Variants in PAWR observed in about 807,000 individuals in gnomAD.
The protein encoded by PAWR is PRKC apoptosis WT1 regulator protein.
Under a neutral mutation model 32.0 loss-of-function variants are expected in PAWR, and 23 were observed. The observed-to-expected ratio is 0.72, with a 90% CI of 0.52 to 1.02. The LOEUF (loss-of-function observed/expected upper bound fraction) is 1.02, where lower values mean the gene tolerates loss of function less well. Among genes scored for constraint, PAWR ranks in the 50% least tolerant of loss-of-function variants. PAWR has a pLI of 0.00. For missense variants in PAWR, 457 were observed against 437.7 expected (o/e 1.04, Z -0.39); for synonymous variants, 226 against 187.1 (o/e 1.21, Z -1.70).
chr12:79,662,728 CA>C (rs1229791438), intron 2 of PAWR, among the ~76,000 whole-genome samples: 2 of 152,138 alleles, frequency 1.3e-5, no homozygotes, highest in Non-Finnish European at 2.9e-5. Context: ...TCCATTTACA[CA>C]AAGGCTTGAA....
chr12:79,599,431 C>G (rs985516241), intron 4 of PAWR, among the ~76,000 whole-genome samples: 2 of 152,098 alleles, frequency 1.3e-5, no homozygotes, highest in African/African-American at 2.4e-5. Flanking sequence ...AGCAGGACAC[C>G]GATTTACATT....
chr12:79,629,778 C>T (rs1045988954), intron 2 of PAWR, among the ~76,000 whole-genome samples: 9 of 151,996 alleles, frequency 5.9e-5, no homozygotes, highest in Non-Finnish European at 4.4e-5. Flanking sequence ...ATGATGAAAT[C>T]ATACCAAGAA....
chr12:79,656,031 G>A (rs1307594663), intron 2 of PAWR, among the ~76,000 whole-genome samples: 3 of 152,326 alleles, frequency 2.0e-5, no homozygotes, highest in African/African-American at 7.2e-5. Flanking sequence ...GCAAAGGGTA[G>A]TAAATCTCAA....
intron 4 of PAWR, among the ~76,000 whole-genome samples, chr12:79,608,224 A>T (rs555257310): frequency 2.6e-5 from 4 of 152,170 alleles, no homozygotes; most frequent in Admixed American, 2.6e-4. Flanking sequence ...GTTGAGAACT[A>T]AAGTTCTTAA....
chr12:79,632,076 T>A (rs1032579857), intron 2 of PAWR: 1 of 136,996 alleles, frequency 7.3e-6, no homozygotes, highest in Non-Finnish European at 1.5e-5. Context: ...GAAATCGCAG[T>A]GAGTCGAGAT....
At chr12:79,607,312 G>A (rs1255687535) in intron 4 of PAWR, among the ~76,000 whole-genome samples, 1 of 151,950 alleles carries the variant, frequency 6.6e-6, no homozygotes, top group Non-Finnish European at 1.5e-5. Context: ...AGAAAGAATA[G>A]ATCTTGAAAG....
At chr12:79,595,904 A>C (rs1270148951) in intron 5 of PAWR, among the ~76,000 whole-genome samples, 1 of 152,146 alleles carries the variant, frequency 6.6e-6, no homozygotes, top group Admixed American at 6.5e-5. Context: ...AATAATTCCA[A>C]GAAGAAACTG....
intron 2 of PAWR, among the ~76,000 whole-genome samples, chr12:79,626,958 A>G (rs1215035665): frequency 2.6e-5 from 4 of 152,168 alleles, no homozygotes; most frequent in Non-Finnish European, 4.4e-5. Context: ...CATGGTGTGT[A>G]TATGCCACAT....
chr12:79,665,964 A>C (rs2136836076), intron 2 of PAWR, among the ~76,000 whole-genome samples: 2 of 152,308 alleles, frequency 1.3e-5, no homozygotes, highest in South Asian at 4.1e-4. Context: ...GCATTTTCAC[A>C]AGGAAATAGG....
chr12:79,604,453 G>C, intron 4 of PAWR: 1 of 1,058,938 alleles, frequency 9.4e-7, no homozygotes, highest in Non-Finnish European at 1.1e-6. Flanking sequence ...GCAGCATTAA[G>C]AGATTATAGC....
At chr12:79,648,973 T>C (rs1041569440) in intron 2 of PAWR, among the ~76,000 whole-genome samples, 1 of 152,160 alleles carries the variant, frequency 6.6e-6, no homozygotes, top group African/African-American at 2.4e-5. Flanking sequence ...AAGGCTATAA[T>C]AATGTCACTT....
chr12:79,673,723 C>T (rs577572513), intron 2 of PAWR, among the ~76,000 whole-genome samples: 2 of 152,252 alleles, frequency 1.3e-5, no homozygotes, highest in South Asian at 4.1e-4. Context: ...AGGTAATATA[C>T]TTTATGGTAG....
At chr12:79,684,463 T>A (rs1180146012) in intron 2 of PAWR, among the ~76,000 whole-genome samples, 1 of 151,890 alleles carries the variant, frequency 6.6e-6, no homozygotes, top group South Asian at 2.1e-4. Flanking sequence ...ATACAAAAAT[T>A]AGCCAGGCAT....
At chr12:79,642,390 T>C (rs1043044909) in intron 2 of PAWR, among the ~76,000 whole-genome samples, 1 of 152,174 alleles carries the variant, frequency 6.6e-6, no homozygotes, top group African/African-American at 2.4e-5. Context: ...TACTAAATAG[T>C]TTGCTTTTGC....
In PAWR at chr12:79,592,046, A is replaced by G. The variant is rs1873573890; in HGVS notation, c.*561T>C. On this transcript the variant is annotated 3_prime_UTR_variant, in exon 7 of 7. Transcript: ENST00000328827. ...AAATTTATATTTAGTCAACTAAAAC[A>G]TGACAGTGACTTTATAAGAGCTTTC... 1 of 152,620 alleles carries G rather than the reference A, an allele frequency of 6.6e-6. No individual in the cohort carries two copies. The highest frequency in any genetic ancestry group is 1.5e-5 in the Non-Finnish European group (1 of 68,006). 9.5% of individuals were successfully genotyped at this position (152,620 alleles called of 1,614,324 possible). A position where few individuals can be genotyped will look rare whatever the true frequency, so the allele number is the denominator to read the frequency against.
chr12:79,610,289 A>G (rs1415804163), intron 4 of PAWR, among the ~76,000 whole-genome samples: 1 of 152,218 alleles, frequency 6.6e-6, no homozygotes, highest in African/African-American at 2.4e-5. Flanking sequence ...TTTACCTAGC[A>G]TTTCTGGTGA....
intron 4 of PAWR, among the ~76,000 whole-genome samples, chr12:79,612,834 C>T (rs1474528782): frequency 6.6e-6 from 1 of 152,064 alleles, no homozygotes; most frequent in Non-Finnish European, 1.5e-5. Context: ...CTTCTTGTAC[C>T]CAATTCTGAT....
At chr12:79,653,708 A>G (rs1263134010) in intron 2 of PAWR, among the ~76,000 whole-genome samples, 3 of 151,716 alleles carry the variant, frequency 2.0e-5, no homozygotes, top group African/African-American at 7.3e-5. Flanking sequence ...CGAACTCCCA[A>G]CCTCAGGTGA....
chr12:79,623,505 T>C (rs1002576956), intron 2 of PAWR, among the ~76,000 whole-genome samples: 7 of 118,544 alleles, frequency 5.9e-5, no homozygotes, highest in African/African-American at 5.7e-4. Flanking sequence ...TTTAGAATTA[T>C]GAGTTAAGAT....
Sources: gnomAD v4.1 joint callset for allele counts (sites outside exome capture counted in the v4.1 genomes callset) on GRCh38, gnomAD v4.1.1 for gene constraint, MANE v1.5 for transcripts, NCBI Gene and HGNC (gene_info 2026-07-23, HGNC 2026-07-21) for gene names.